Variants in RYR2 observed in about 807,000 individuals in gnomAD.
The protein encoded by RYR2 is cardiac muscle ryanodine receptor-calcium release channel.
A neutral mutation model predicts 601.1 loss-of-function variants in RYR2; 227 were observed. The ratio of observed to expected loss-of-function variants is 0.38; its 90% CI spans 0.34 to 0.42. The LOEUF is 0.42. Ranked by LOEUF, RYR2 falls within the 10% of genes least tolerant of loss-of-function variation. The pLI is 1.00. For synonymous variants in RYR2, 2,223 were observed against 2,175.1 expected (o/e 1.02, Z -0.61); for missense variants, 4,646 against 6,156.5 (o/e 0.75, Z 8.21).
intron 1 of RYR2, among the ~76,000 whole-genome samples, chr1:237,193,586 A>G (rs1288054426): frequency 6.6e-6 from 1 of 152,054 alleles, no homozygotes; most frequent in Non-Finnish European, 1.5e-5. Flanking sequence ...CAGTACTTCT[A>G]CTCCCCTCAG....
At chr1:237,448,521 C>G (rs572955367) in intron 14 of RYR2, among the ~76,000 whole-genome samples, 13 of 152,064 alleles carry the variant, frequency 8.5e-5, no homozygotes, top group Non-Finnish European at 1.5e-5. Context: ...TTATTTAGAT[C>G]TTTAATTTCC....
chr1:237,105,444 C>T (rs760479075), intron 1 of RYR2, among the ~76,000 whole-genome samples: 8 of 152,116 alleles, frequency 5.3e-5, no homozygotes, highest in African/African-American at 7.2e-5. Flanking sequence ...CACCTGTAAT[C>T]CCAGCATTTT....
chr1:237,485,617 A>C (rs6673954), intron 17 of RYR2, among the ~76,000 whole-genome samples: 10 of 152,024 alleles, frequency 6.6e-5, no homozygotes, highest in Admixed American at 3.3e-4. Context: ...AACATCAGCA[A>C]AGGATTGAAG....
chr1:237,375,249 G>A (rs1700928919), intron 7 of RYR2, among the ~76,000 whole-genome samples: 1 of 152,152 alleles, frequency 6.6e-6, no homozygotes, highest in African/African-American at 2.4e-5. Flanking sequence ...ACCTGTCCAA[G>A]CAGACATGCA....
intron 77 of RYR2, among the ~76,000 whole-genome samples, chr1:237,730,625 T>G (rs967755104): frequency 6.6e-6 from 1 of 152,142 alleles, no homozygotes; most frequent in South Asian, 2.1e-4. Flanking sequence ...ATTTAGTCTT[T>G]CTTTTAAATT....
intron 85 of RYR2, among the ~76,000 whole-genome samples, chr1:237,771,306 G>C (rs1276157342): frequency 6.6e-6 from 1 of 151,896 alleles, no homozygotes; most frequent in African/African-American, 2.4e-5. Context: ...ATCTACTTGG[G>C]AGGCTGGGGC....
chr1:237,594,897 T>TTTTTTTTTTTG (rs1675667810), intron 33 of RYR2, among the ~76,000 whole-genome samples: 1 of 21,192 alleles, frequency 4.7e-5, no homozygotes, highest in Non-Finnish European at 2.7e-4. Flanking sequence ...TTTTTTTTTT[T>TTTTTTTTTTTG]TTTTTTTTTT....
At chr1:237,192,803 G>A (rs1006444713) in intron 1 of RYR2, among the ~76,000 whole-genome samples, 8 of 152,066 alleles carry the variant, frequency 5.3e-5, no homozygotes, top group African/African-American at 1.9e-4. Context: ...TCATTTAAAT[G>A]TGCTTCTTCA....
chr1:237,313,449 T>C (rs1048586407), intron 2 of RYR2, among the ~76,000 whole-genome samples: 1 of 152,080 alleles, frequency 6.6e-6, no homozygotes, highest in Non-Finnish European at 1.5e-5. Flanking sequence ...ATGTAATGGC[T>C]GAAGTAAAGG....
chr1:237,335,187 G>A (rs1354441404), intron 3 of RYR2, among the ~76,000 whole-genome samples: 3 of 152,154 alleles, frequency 2.0e-5, no homozygotes, highest in African/African-American at 7.2e-5. Context: ...TTAGAATAGA[G>A]AGTTGATGAT....
intron 1 of RYR2, among the ~76,000 whole-genome samples, chr1:237,263,525 T>C (rs532994786): frequency 1.3e-5 from 2 of 152,334 alleles, no homozygotes; most frequent in South Asian, 4.1e-4. Flanking sequence ...TGAATTCTGT[T>C]CCTTGTTATT....
intron 40 of RYR2, among the ~76,000 whole-genome samples, chr1:237,627,563 TTAATTA>T (rs1253977313): frequency 4.6e-5 from 7 of 152,220 alleles, no homozygotes; most frequent in Non-Finnish European, 1.0e-4. Context: ...TGTAGCTTAT[TTAATTA>T]TAAGAATGAT....
intron 1 of RYR2, among the ~76,000 whole-genome samples, chr1:237,217,234 TGTAAC>T (rs1421943234): frequency 6.6e-6 from 1 of 152,198 alleles, no homozygotes; most frequent in African/African-American, 2.4e-5. Context: ...ATTATTATAA[TGTAAC>T]CTTTCCCTGC....
intron 1 of RYR2, among the ~76,000 whole-genome samples, chr1:237,174,026 C>A (rs984843919): frequency 1.3e-5 from 2 of 151,436 alleles, no homozygotes; most frequent in Non-Finnish European, 2.9e-5. Flanking sequence ...CACTGCACTC[C>A]AGCCTGGGCG....
chr1:237,295,660 A>C (rs1271583294), intron 2 of RYR2, among the ~76,000 whole-genome samples: 1 of 152,200 alleles, frequency 6.6e-6, no homozygotes, highest in Non-Finnish European at 1.5e-5. Flanking sequence ...TAATATTTTT[A>C]CCGCTAGAAT....
chr1:237,330,977 G>C lies in RYR2; in HGVS notation c.268G>C (p.Glu90Gln). 1 of 1,613,464 alleles carries C rather than the reference G, an allele frequency of 6.2e-7. No individual in the cohort carries two copies. Among genetic ancestry groups the C allele is most frequent in the Non-Finnish European group, 8.5e-7 (1 of 1,179,394 alleles). ...GCTGGCTAACACCGTGGAGAAATCAGAAGGGGCAAGTACCCAATTTATGTA... is the reference window on the plus strand; with the variant it reads ...GCTGGCTAACACCGTGGAGAAATCACAAGGGGCAAGTACCCAATTTATGTA... ...EMLANTVEKS[E>Q]GQVDVEKWKF... Residue 90 changes from glutamate (E) to glutamine (Q), a missense_variant, in exon 3 of 105, where the codon GAA (glutamate) becomes CAA (glutamine). Physicochemically the swap from Glu to Gln is conservative, Grantham distance 29. Coordinates refer to ENST00000366574, the MANE Select transcript of RYR2 (RefSeq NM_001035.3).
intron 3 of RYR2, among the ~76,000 whole-genome samples, chr1:237,339,581 CTGTCT>C (rs1697571906): frequency 6.6e-6 from 1 of 152,068 alleles, no homozygotes; most frequent in South Asian, 2.1e-4. Flanking sequence ...GAATCATATA[CTGTCT>C]TGTCATCTTT....
chr1:237,670,874 T>C (rs1684864979), intron 58 of RYR2, among the ~76,000 whole-genome samples: 1 of 152,250 alleles, frequency 6.6e-6, no homozygotes, highest in Non-Finnish European at 1.5e-5. Flanking sequence ...AAAAAGTTTC[T>C]GATTTTGGAA....
intron 27 of RYR2, among the ~76,000 whole-genome samples, chr1:237,558,120 A>G (rs1339542924): frequency 1.3e-5 from 2 of 152,222 alleles, no homozygotes; most frequent in East Asian, 3.9e-4. Flanking sequence ...TGAAATTCAG[A>G]GCATGGGTAA....
Sources: allele counts gnomAD v4.1 joint callset (sites outside exome capture counted in the v4.1 genomes callset), GRCh38; gene constraint gnomAD v4.1.1; transcripts MANE v1.5; gene names NCBI Gene and HGNC (gene_info 2026-07-23, HGNC 2026-07-21).